The following NTN1 variants were observed in gnomAD, a reference collection of about 807,000 sequenced individuals.
NTN1 encodes the protein netrin-1.
A neutral mutation model predicts 54.2 loss-of-function variants in NTN1; 11 were observed. The observed-to-expected ratio is 0.20, with a 90% CI of 0.13 to 0.34. The LOEUF is 0.34. NTN1 is among the 10% of genes least tolerant of loss of function. NTN1 has a pLI of 1.00. For synonymous variants in NTN1, 371 were observed against 382.0 expected (o/e 0.97, Z 0.33); for missense variants, 740 against 893.1 (o/e 0.83, Z 2.18).
intron 2 of NTN1, among the ~76,000 whole-genome samples, chr17:9,086,354 AAAAC>A (rs549391108): frequency 7.9e-5 from 12 of 152,188 alleles, no homozygotes; most frequent in East Asian, 1.9e-4. Flanking sequence ...AAATAAAAAT[AAAAC>A]AAACAAACAT....
chr17:9,011,166 T>C, the NTN1 span, among the ~76,000 whole-genome samples: 23 of 152,270 alleles, frequency 1.5e-4, no homozygotes, highest in African/African-American at 4.8e-4. Context: ...TGGGGAGTGG[T>C]TGTAAATACA....
chr17:9,090,343 T>G (rs559005002), intron 2 of NTN1, among the ~76,000 whole-genome samples: 2 of 151,894 alleles, frequency 1.3e-5, no homozygotes, highest in South Asian at 2.1e-4. Flanking sequence ...GCCTGGCTAA[T>G]TTTTGTATTT....
chr17:9,113,173 G>C (rs1231841155), intron 2 of NTN1, among the ~76,000 whole-genome samples: 2 of 151,402 alleles, frequency 1.3e-5, no homozygotes, highest in Non-Finnish European at 2.9e-5. Context: ...ACAGGTGCCC[G>C]CCACCACGCC....
At chr17:9,122,038 A>ATT (rs36009443) in intron 2 of NTN1, among the ~76,000 whole-genome samples, 7 of 138,604 alleles carry the variant, frequency 5.1e-5, no homozygotes, top group South Asian at 2.3e-4. Flanking sequence ...TCTGAGTTAC[A>ATT]TTTTTTTTTT....
chr17:9,196,318 T>C (rs541802956), intron 5 of NTN1, among the ~76,000 whole-genome samples: 6 of 152,268 alleles, frequency 3.9e-5, no homozygotes, highest in African/African-American at 1.4e-4. Flanking sequence ...GTGGGGACAT[T>C]GTTTAGGCAG....
At chr17:9,238,904 A>G (rs1465201688) in intron 6 of NTN1, among the ~76,000 whole-genome samples, 2 of 152,124 alleles carry the variant, frequency 1.3e-5, no homozygotes, top group Non-Finnish European at 2.9e-5. Flanking sequence ...CCAGCAGTGT[A>G]TTTTCACAAG....
At chr17:9,149,208 C>T (rs1381794402) in intron 2 of NTN1, among the ~76,000 whole-genome samples, 75 of 151,980 alleles carry the variant, frequency 4.9e-4, no homozygotes, top group Non-Finnish European at 1.6e-4. Flanking sequence ...TCATAAAGCA[C>T]AGGGAGTGTA....
intron 2 of NTN1, among the ~76,000 whole-genome samples, chr17:9,111,003 C>T (rs1187041505): frequency 1.4e-5 from 2 of 143,850 alleles, no homozygotes; most frequent in African/African-American, 2.6e-5. Context: ...GGCGCGATCT[C>T]GGCTTACTGC....
At chr17:9,014,141 G>T in the NTN1 span, among the ~76,000 whole-genome samples, 1,205 of 152,242 alleles carry the variant, frequency 7.9e-3, 19 homozygotes, top group African/African-American at 0.028. Flanking sequence ...ATATCTCCAG[G>T]AACGCTTCCC....
intron 3 of NTN1, chr17:9,173,962 G>C (rs2092393858): frequency 6.6e-6 from 1 of 152,370 alleles, no homozygotes; most frequent in Non-Finnish European, 1.5e-5. Flanking sequence ...CTGGAACAGA[G>C]GGCACCCCCT....
At chr17:9,193,701 T>A (rs1054540998) in intron 5 of NTN1, among the ~76,000 whole-genome samples, 6 of 151,770 alleles carry the variant, frequency 4.0e-5, no homozygotes, top group Non-Finnish European at 8.8e-5. Flanking sequence ...GGCAGGTGGA[T>A]CACCTGAGGT....
At chr17:9,205,622 CAGAG>C (rs576330715) in intron 5 of NTN1, among the ~76,000 whole-genome samples, 2 of 150,734 alleles carry the variant, frequency 1.3e-5, no homozygotes, top group Non-Finnish European at 3.0e-5. Context: ...GACCCTGTCT[CAGAG>C]AGAGAGAGAG....
At chr17:9,193,896 G>A (rs1904537264) in intron 5 of NTN1, among the ~76,000 whole-genome samples, 1 of 117,610 alleles carries the variant, frequency 8.5e-6, no homozygotes, top group Admixed American at 1.1e-4. Flanking sequence ...ACTCCAGCCT[G>A]GGCGACAAGA....
intron 6 of NTN1, among the ~76,000 whole-genome samples, chr17:9,232,092 CA>C (rs1419768090): frequency 6.6e-6 from 1 of 152,306 alleles, no homozygotes; most frequent in African/African-American, 2.4e-5. Flanking sequence ...GTCCACCCTT[CA>C]GGATGACTCT....
chr17:9,042,332 G>A (rs2091924656), intron 2 of NTN1, among the ~76,000 whole-genome samples: 1 of 151,974 alleles, frequency 6.6e-6, no homozygotes, highest in South Asian at 2.1e-4. Flanking sequence ...TCAAAAGTGA[G>A]ATTTGAGCTG....
intron 2 of NTN1, among the ~76,000 whole-genome samples, chr17:9,115,902 CTA>C (rs1234405674): frequency 5.3e-5 from 8 of 152,264 alleles, no homozygotes; most frequent in African/African-American, 1.9e-4. Flanking sequence ...GTTTCTCCCT[CTA>C]TGAACAGTCG....
At chr17:9,116,094 A>G (rs2092211199) in intron 2 of NTN1, among the ~76,000 whole-genome samples, 1 of 152,196 alleles carries the variant, frequency 6.6e-6, no homozygotes, top group Admixed American at 6.5e-5. Flanking sequence ...TGGTTAACCG[A>G]ACACATTGCC....
chr17:9,190,914 T>A (rs866334997), intron 5 of NTN1, among the ~76,000 whole-genome samples: 2 of 151,968 alleles, frequency 1.3e-5, no homozygotes, highest in African/African-American at 4.8e-5. Context: ...TATGGTAAAG[T>A]TGTGACTGTG....
intron 2 of NTN1, among the ~76,000 whole-genome samples, chr17:9,102,568 A>G (rs2092154121): frequency 6.6e-6 from 1 of 152,218 alleles, no homozygotes; most frequent in Non-Finnish European, 1.5e-5. Flanking sequence ...TATCAGCGGC[A>G]TCTACTAAAG....
Sources: gnomAD v4.1 joint callset for allele counts (sites outside exome capture counted in the v4.1 genomes callset) on GRCh38, gnomAD v4.1.1 for gene constraint, MANE v1.5 for transcripts, NCBI Gene and HGNC (gene_info 2026-07-23, HGNC 2026-07-21) for gene names.